The following EGFR variants were observed in gnomAD, a reference collection of about 807,000 sequenced individuals.
The protein encoded by EGFR is epidermal growth factor receptor, also known as avian erythroblastic leukemia viral (v-erb-b) oncogene homolog.
A neutral mutation model predicts 143.0 loss-of-function variants in EGFR; 58 were observed. That is an observed-to-expected ratio of 0.41 (90% CI 0.33 to 0.50). EGFR has a LOEUF of 0.50. Among genes scored for constraint, EGFR ranks in the 20% least tolerant of loss-of-function variants. EGFR has a pLI of 0.39. For missense variants in EGFR, 1,307 were observed against 1,579.0 expected, an observed-to-expected ratio of 0.83 and a Z score of 2.92; for synonymous variants, 613 against 594.4, an observed-to-expected ratio of 1.03 and a Z score of -0.45.
At chr7:55,204,832 C>T (rs1325796375) in intron 27 of EGFR, among the ~76,000 whole-genome samples, 1 of 146,444 alleles carries the variant, frequency 6.8e-6, no homozygotes, top group East Asian at 2.1e-4. Flanking sequence ...CACACGTACA[C>T]ACACACCACA....
At chr7:55,065,570 G>A (rs1213367022) in intron 1 of EGFR, among the ~76,000 whole-genome samples, 1 of 152,180 alleles carries the variant, frequency 6.6e-6, no homozygotes, top group African/African-American at 2.4e-5. Flanking sequence ...TTATTAAAAG[G>A]TTCTGGTTGC....
chr7:55,180,832 C>A, intron 19 of EGFR: 1 of 217,682 alleles, frequency 4.6e-6, no homozygotes, highest in Non-Finnish European at 9.2e-6. Flanking sequence ...GCAGCACCCA[C>A]AGCCAGCGTT....
intron 1 of EGFR, among the ~76,000 whole-genome samples, chr7:55,083,779 G>A (rs1278831826): frequency 1.3e-5 from 2 of 152,170 alleles, no homozygotes; most frequent in African/African-American, 2.4e-5. Context: ...TAAATATACT[G>A]GAAGTTTTTG....
chr7:55,038,461 C>T lies in EGFR; in HGVS notation c.88+19096C>T, dbSNP rs191725703. ...GATGAAGCTTGTCCCACCAGAGGCT[C>T]GCTTGTTTCATTGAGCACCTACTGT... On this transcript the variant is annotated intron_variant, in intron 1 of 27. Coordinates refer to ENST00000275493, the MANE Select transcript of EGFR (RefSeq NM_005228.5). Among the ~76,000 whole-genome samples the T allele has an allele frequency of 3.9e-5, 6 of 152,254 alleles. 1 individual carries two copies. The highest frequency in any genetic ancestry group is 3.9e-4 in the Admixed American group (6 of 15,298).
intron 1 of EGFR, among the ~76,000 whole-genome samples, chr7:55,061,643 T>TGA (rs1357284167): frequency 6.6e-5 from 9 of 135,582 alleles, no homozygotes; most frequent in South Asian, 2.3e-4. Context: ...TGTGTGTGTG[T>TGA]GTGTGTGAGA....
chr7:55,142,350 C>G lies in EGFR; in HGVS notation c.153C>G (p.Leu51=), dbSNP rs773745636. The change falls in exon 2 of 28, where the codon CTC becomes CTG. Residue 51 remains leucine (L), a synonymous_variant. Transcript: ENST00000275493. ...LGTFEDHFLS[L]QRMFNNCEVV... is the part of the protein sequence containing the mutation. ...CTTTTGAAGATCATTTTCTCAGCCT[C>G]CAGAGGATGTTCAATAACTGTGAGG... The G allele has an allele frequency of 6.2e-7, 1 of 1,614,182 alleles. No individual in the cohort carries two copies.
At chr7:55,073,414 C>T (rs1300827872) in intron 1 of EGFR, among the ~76,000 whole-genome samples, 2 of 152,190 alleles carry the variant, frequency 1.3e-5, no homozygotes, top group African/African-American at 4.8e-5. Context: ...GGGTGAGGCA[C>T]ATGCTGGAAA....
At chr7:55,044,730 C>A (rs1788092498) in intron 1 of EGFR, among the ~76,000 whole-genome samples, 4 of 152,238 alleles carry the variant, frequency 2.6e-5, no homozygotes, top group Non-Finnish European at 5.9e-5. Context: ...CCCCGCATAA[C>A]TCGTGTGTCC....
intron 15 of EGFR, among the ~76,000 whole-genome samples, chr7:55,170,118 A>G (rs1034264240): frequency 6.6e-5 from 10 of 152,204 alleles, no homozygotes; most frequent in African/African-American, 2.4e-4. Context: ...AAAGCACCAC[A>G]GGGGTAAGAC....
At chr7:55,093,351 G>A (rs1791242957) in intron 1 of EGFR, among the ~76,000 whole-genome samples, 1 of 152,164 alleles carries the variant, frequency 6.6e-6, no homozygotes, top group African/African-American at 2.4e-5. Flanking sequence ...TTTTGTGTTG[G>A]GAATTGTGCT....
intron 1 of EGFR, among the ~76,000 whole-genome samples, chr7:55,045,390 A>C (rs1300926597): frequency 6.6e-6 from 1 of 152,222 alleles, no homozygotes; most frequent in African/African-American, 2.4e-5. Flanking sequence ...CCAGCTAAAC[A>C]ATTGATTGAA....
chr7:55,069,082 A>G (rs935768611), intron 1 of EGFR, among the ~76,000 whole-genome samples: 1 of 152,240 alleles, frequency 6.6e-6, no homozygotes, highest in African/African-American at 2.4e-5. Context: ...GGCTTTGAGT[A>G]CCAGACTGAT....
intron 1 of EGFR, among the ~76,000 whole-genome samples, chr7:55,092,795 G>A (rs959522126): frequency 4.6e-5 from 7 of 152,250 alleles, no homozygotes; most frequent in East Asian, 1.9e-4. Context: ...CAGGGCCAGC[G>A]GGCGGTGTGG....
intron 15 of EGFR, among the ~76,000 whole-genome samples, chr7:55,167,562 G>A (rs899285192): frequency 2.3e-5 from 3 of 128,534 alleles, no homozygotes; most frequent in Admixed American, 7.3e-5. Context: ...TGTTGATGGT[G>A]GTGATGGTGG....
intron 1 of EGFR, among the ~76,000 whole-genome samples, chr7:55,083,405 C>T (rs1221680318): frequency 2.0e-5 from 3 of 152,218 alleles, no homozygotes; most frequent in Non-Finnish European, 2.9e-5. Context: ...CTTCTTGACT[C>T]ACTCCACTGT....
intron 1 of EGFR, among the ~76,000 whole-genome samples, chr7:55,120,363 A>C (rs1273604283): frequency 1.3e-5 from 2 of 152,224 alleles, no homozygotes; most frequent in Non-Finnish European, 2.9e-5. Context: ...TACTAAAGGG[A>C]TGTTGAGCAA....
intron 1 of EGFR, among the ~76,000 whole-genome samples, chr7:55,091,881 CA>C (rs753848100): frequency 0.14 from 21,377 of 151,434 alleles, 1,689 homozygotes; most frequent in Middle Eastern, 0.19. Context: ...CACACACACA[CA>C]CACACACACC....
intron 1 of EGFR, among the ~76,000 whole-genome samples, chr7:55,086,115 G>A (rs571858706): frequency 2.0e-5 from 3 of 152,244 alleles, no homozygotes; most frequent in Middle Eastern, 3.4e-3. Flanking sequence ...GAATTATCTC[G>A]TGTCTACAGT....
At position 55,169,855 on chromosome 7, in the gene EGFR, C is replaced by T. The variant is rs563218091; in HGVS notation, c.1881-1320C>T. On this transcript the variant is annotated intron_variant, in intron 15 of 27. Transcript: ENST00000275493. ...AGCAATCCCTATGGTTGCCCAAAAG[C>T]ATTTTCAGAGCCTGCATAAGACTGC... 2.6e-5 allele frequency among the ~76,000 whole-genome samples: 4 copies of T among 152,350 alleles called. No homozygotes were observed. The East Asian group carries it at 5.8e-4, about 22-fold the overall frequency.
Sources: gnomAD v4.1 joint callset for allele counts (sites outside exome capture counted in the v4.1 genomes callset) on GRCh38, gnomAD v4.1.1 for gene constraint, MANE v1.5 for transcripts, NCBI Gene and HGNC (gene_info 2026-07-23, HGNC 2026-07-21) for gene names.